The following GSKIP variants were observed in gnomAD, a reference collection of about 807,000 sequenced individuals.
GSKIP encodes GSK3B interacting protein.
In GSKIP, 5 loss-of-function variants were observed where a neutral mutation model predicts 11.9. The ratio of observed to expected loss-of-function variants is 0.42; its 90% CI spans 0.22 to 0.89. The LOEUF (loss-of-function observed/expected upper bound fraction) is 0.89. Ranked by LOEUF, GSKIP falls within the 40% of genes least tolerant of loss-of-function variation. The pLI is 0.29. For missense variants in GSKIP, 150 were observed against 166.6 expected, an observed-to-expected ratio of 0.90 and a Z score of 0.55; for synonymous variants, 70 against 62.9, an observed-to-expected ratio of 1.11 and a Z score of -0.54.
At chr14:96,373,234 A>AG (rs1207288400) in intron 1 of GSKIP, among the ~76,000 whole-genome samples, 1 of 146,392 alleles carries the variant, frequency 6.8e-6, no homozygotes, top group Non-Finnish European at 1.5e-5. Context: ...TGTCTCAAAA[A>AG]AAAAAAAAAA....
intron 1 of GSKIP, among the ~76,000 whole-genome samples, chr14:96,378,672 A>G (rs530606930): frequency 5.8e-4 from 88 of 152,356 alleles, no homozygotes; most frequent in African/African-American, 1.9e-3. Flanking sequence ...CACTTTCTAC[A>G]TGGCAGGCAC....
intron 1 of GSKIP, among the ~76,000 whole-genome samples, chr14:96,376,033 A>G (rs568194459): frequency 6.6e-6 from 1 of 152,358 alleles, no homozygotes; most frequent in African/African-American, 2.4e-5. Flanking sequence ...GCCACGTTGC[A>G]TTGGAAATTG....
intron 1 of GSKIP, among the ~76,000 whole-genome samples, chr14:96,369,082 C>T (rs1041258888): frequency 2.0e-5 from 3 of 152,176 alleles, no homozygotes; most frequent in Non-Finnish European, 2.9e-5. Context: ...GGAATTGGAG[C>T]AAACATCACC....
At chr14:96,366,214 G>C (rs1888878777) in intron 1 of GSKIP, among the ~76,000 whole-genome samples, 3 of 152,054 alleles carry the variant, frequency 2.0e-5, no homozygotes, top group Admixed American at 2.0e-4. Context: ...GGCTTTGGAA[G>C]GTTTGAAATA....
intron 1 of GSKIP, among the ~76,000 whole-genome samples, chr14:96,372,842 A>G (rs1404363026): frequency 1.3e-5 from 2 of 152,348 alleles, no homozygotes; most frequent in East Asian, 3.9e-4. Context: ...GAAAGCAAGG[A>G]CTGTGAGGAT....
chr14:96,366,315 T>G (rs1888881798), intron 1 of GSKIP, among the ~76,000 whole-genome samples: 1 of 152,200 alleles, frequency 6.6e-6, no homozygotes, highest in Non-Finnish European at 1.5e-5. Flanking sequence ...ATTCGGGCTA[T>G]CCATAGAGTG....
intron 1 of GSKIP, chr14:96,365,211 G>A (rs564711282): frequency 6.6e-6 from 1 of 152,082 alleles, no homozygotes; most frequent in African/African-American, 2.4e-5. Flanking sequence ...CGAAAGCAAT[G>A]TAAAGGGAGT....
intron 1 of GSKIP, among the ~76,000 whole-genome samples, chr14:96,368,048 GATT>G (rs929036385): frequency 3.3e-5 from 5 of 151,388 alleles, no homozygotes; most frequent in Non-Finnish European, 7.4e-5. Context: ...TTTCCTAGAG[GATT>G]ATATAGAAAT....
intron 1 of GSKIP, among the ~76,000 whole-genome samples, chr14:96,370,941 G>A (rs1227605921): frequency 6.6e-6 from 1 of 152,090 alleles, no homozygotes; most frequent in African/African-American, 2.4e-5. Context: ...CTGAAAATGG[G>A]GTGCAGAATA....
chr14:96,383,560 T>A (rs17094074), intron 3 of GSKIP, among the ~76,000 whole-genome samples: 47,961 of 152,110 alleles, frequency 0.32, 8,057 homozygotes, highest in African/African-American at 0.42. Context: ...TTGTACATTA[T>A]CATAAGGTGG....
At chr14:96,369,094 T>C (rs1222096540) in intron 1 of GSKIP, among the ~76,000 whole-genome samples, 1 of 152,234 alleles carries the variant, frequency 6.6e-6, no homozygotes, top group Non-Finnish European at 1.5e-5. Context: ...AACATCACCC[T>C]TGTTACACTG....
intron 2 of GSKIP, chr14:96,380,044 C>CA (rs1889305363): frequency 6.6e-6 from 1 of 152,032 alleles, no homozygotes; most frequent in African/African-American, 2.4e-5. Context: ...TAATCTTGAG[C>CA]AGTATACTGA....
chr14:96,381,059 C>A (rs896796682), intron 2 of GSKIP, among the ~76,000 whole-genome samples: 18 of 152,328 alleles, frequency 1.2e-4, no homozygotes, highest in African/African-American at 4.3e-4. Flanking sequence ...TGAAACTTTA[C>A]TTTTAAAACC....
At chr14:96,374,741 AATGAAG>A (rs1254071106) in intron 1 of GSKIP, among the ~76,000 whole-genome samples, 2 of 152,210 alleles carry the variant, frequency 1.3e-5, no homozygotes, top group Non-Finnish European at 2.9e-5. Context: ...ATCTTTCACA[AATGAAG>A]ATGAAAAGGA....
intron 1 of GSKIP, among the ~76,000 whole-genome samples, chr14:96,376,322 T>A (rs1889202388): frequency 7.0e-6 from 1 of 141,932 alleles, no homozygotes; most frequent in South Asian, 2.2e-4. Context: ...CCACACCCTG[T>A]GCTGACCTTT....
intron 1 of GSKIP, among the ~76,000 whole-genome samples, chr14:96,365,487 G>A (rs567563982): frequency 6.5e-5 from 9 of 138,460 alleles, no homozygotes; most frequent in African/African-American, 2.1e-4. Flanking sequence ...GGGGTGGGGC[G>A]GGCGGGGCGC....
rs375765597 is a variant in GSKIP, at chr14:96,379,397, GTTACT to G, written c.-102-284_-102-280del. On this transcript the variant is annotated intron_variant, in intron 1 of 3. Coordinates refer to ENST00000555181, the MANE Select transcript of GSKIP (RefSeq NM_016472.5). Reference sequence around the variant, plus strand: ...GAGTCAATCTCAGCCAAATTGCTTGGTTACTTTACTTAGTACGGGAAGGGAGCATT... The same window carrying G: ...GAGTCAATCTCAGCCAAATTGCTTGGTTACTTAGTACGGGAAGGGAGCATT... Among the ~76,000 whole-genome samples, 71 of 152,230 alleles carry G rather than the reference GTTACT, an allele frequency of 4.7e-4. 1 individual carries two copies. Among genetic ancestry groups the G allele is most frequent in the Admixed American group, 4.6e-4 (7 of 15,292 alleles).
chr14:96,380,803 A>G (rs1211229485), intron 2 of GSKIP, among the ~76,000 whole-genome samples: 1 of 152,196 alleles, frequency 6.6e-6, no homozygotes, highest in Non-Finnish European at 1.5e-5. Flanking sequence ...TCTAGGCTAT[A>G]GTGCACAGTG....
In GSKIP at chr14:96,382,517, T is replaced by C. The variant is rs1889375482; in HGVS notation, c.258+12T>C. 5 of 1,582,862 alleles carry C rather than the reference T, an allele frequency of 3.2e-6. No individual in the cohort carries two copies. Among genetic ancestry groups the C allele is most frequent in the Non-Finnish European group, 4.3e-6 (5 of 1,164,714 alleles). On this transcript the variant is annotated intron_variant, in intron 3 of 3. Coordinates refer to ENST00000555181, the MANE Select transcript of GSKIP (RefSeq NM_016472.5). The stretch of plus-strand genomic sequence containing the variant: ...AAGCAGGGCTCAAGGTAACTCACTT[T>C]TCCTTTTAGAAAAAAAAATTATTTA...
Sources: gnomAD v4.1 joint callset for allele counts (sites outside exome capture counted in the v4.1 genomes callset) on GRCh38, gnomAD v4.1.1 for gene constraint, MANE v1.5 for transcripts, NCBI Gene and HGNC (gene_info 2026-07-23, HGNC 2026-07-21) for gene names.